Variants in UBASH3B observed in about 807,000 individuals in gnomAD.
UBASH3B encodes the protein ubiquitin-associated and SH3 domain-containing protein B.
A neutral mutation model predicts 83.4 loss-of-function variants in UBASH3B; 37 were observed. The ratio of observed to expected loss-of-function variants is 0.44; its 90% CI spans 0.34 to 0.58. The LOEUF (loss-of-function observed/expected upper bound fraction) is 0.58, where lower values mean the gene tolerates loss of function less well. Among genes scored for constraint, UBASH3B ranks in the 20% least tolerant of loss-of-function variants. The pLI is 0.01. For synonymous variants in UBASH3B, 304 were observed against 318.3 expected (o/e 0.96, Z 0.48); for missense variants, 657 against 827.2 (o/e 0.79, Z 2.52).
At chr11:122,743,100 C>A (rs1427805711) in intron 1 of UBASH3B, among the ~76,000 whole-genome samples, 1 of 152,154 alleles carries the variant, frequency 6.6e-6, no homozygotes, top group African/African-American at 2.4e-5. Flanking sequence ...TTTGCTGTGG[C>A]CGTTCTGAGG....
intron 6 of UBASH3B, among the ~76,000 whole-genome samples, chr11:122,790,342 C>A (rs73617921): frequency 4.6e-5 from 7 of 152,282 alleles, no homozygotes; most frequent in East Asian, 1.9e-4. Flanking sequence ...ATCCCTCCCC[C>A]TCTCCCTCAC....
At chr11:122,780,987 A>G (rs1005049543) in intron 4 of UBASH3B, among the ~76,000 whole-genome samples, 4 of 152,056 alleles carry the variant, frequency 2.6e-5, no homozygotes, top group African/African-American at 9.7e-5. Context: ...TGCTATTTTC[A>G]TCACCATCTC....
chr11:122,730,004 A>AAC (rs11444016), intron 1 of UBASH3B, among the ~76,000 whole-genome samples: 6 of 134,338 alleles, frequency 4.5e-5, no homozygotes, highest in Non-Finnish European at 8.1e-5. Flanking sequence ...AAAAAAAAAA[A>AAC]GGCCAGGTGC....
At chr11:122,762,655 C>G (rs1184206008) in intron 1 of UBASH3B, among the ~76,000 whole-genome samples, 1 of 152,234 alleles carries the variant, frequency 6.6e-6, no homozygotes, top group Admixed American at 6.5e-5. Flanking sequence ...TCAGTAGACT[C>G]CTGCCACCGT....
chr11:122,669,796 A>G (rs534232177), intron 1 of UBASH3B, among the ~76,000 whole-genome samples: 8 of 152,348 alleles, frequency 5.3e-5, no homozygotes, highest in Non-Finnish European at 1.0e-4. Flanking sequence ...TTTTACAGAT[A>G]AGAAAACTGA....
At chr11:122,688,968 G>A (rs915164281) in intron 1 of UBASH3B, among the ~76,000 whole-genome samples, 3 of 30,196 alleles carry the variant, frequency 9.9e-5, no homozygotes, top group Admixed American at 4.8e-4. Flanking sequence ...TACTAGAGAC[G>A]GCGGGGAGGC....
chr11:122,747,194 A>G (rs867877319), intron 1 of UBASH3B, among the ~76,000 whole-genome samples: 10 of 152,188 alleles, frequency 6.6e-5, no homozygotes, highest in Admixed American at 4.6e-4. Context: ...TTAATGGTTA[A>G]GAAAGATTAT....
rs1023326867 is a variant in UBASH3B, at chr11:122,758,318, T to C, written c.162-17901T>C. Among the ~76,000 whole-genome samples, 51 of 152,344 alleles carry C rather than the reference T, an allele frequency of 3.3e-4. No homozygotes were observed. Among genetic ancestry groups the C allele is most frequent in the Non-Finnish European group, 1.3e-4 (9 of 68,038 alleles). ...ATAAAGGGGGATGCAGTAAATAATT[T>C]CAGGAAATTGAGCGTAACCTTTCTT... is the stretch of plus-strand genomic sequence containing the variant. On this transcript the variant is annotated intron_variant, in intron 1 of 13. Coordinates refer to ENST00000284273, the MANE Select transcript of UBASH3B (RefSeq NM_032873.5). The surrounding 1 kb of genome is among the most constrained non-coding windows in gnomAD (Gnocchi z 4.2).
chr11:122,715,356 T>A (rs887111270), intron 1 of UBASH3B, among the ~76,000 whole-genome samples: 2 of 152,256 alleles, frequency 1.3e-5, no homozygotes, highest in Non-Finnish European at 2.9e-5. Context: ...GGACAGACCT[T>A]GCATTGCTGC....
chr11:122,776,353 T>G, intron 2 of UBASH3B, 81 bp downstream of exon 2: 3 of 1,323,072 alleles, frequency 2.3e-6, no homozygotes, highest in Non-Finnish European at 3.1e-6. Context: ...GGTGCAGACT[T>G]TCTCTAATGG....
At chr11:122,788,951 T>C in intron 5 of UBASH3B, 149 bp from the exon 6 acceptor site, 1 of 672,038 alleles carries the variant, frequency 1.5e-6, no homozygotes, top group Non-Finnish European at 2.6e-6. Context: ...GGAATTCACA[T>C]CTACTCAGGG....
chr11:122,808,976 G>GAA (rs5795348), intron 13 of UBASH3B, among the ~76,000 whole-genome samples: 95 of 148,496 alleles, frequency 6.4e-4, no homozygotes, highest in African/African-American at 1.0e-3. Context: ...CTCGTAAGGA[G>GAA]AAAAAAAAAA....
intron 1 of UBASH3B, chr11:122,775,868 T>G (rs1591808244): frequency 4.5e-6 from 1 of 223,736 alleles, no homozygotes; most frequent in East Asian, 1.2e-4. Flanking sequence ...GTCAGGGATC[T>G]GGGTCACTAA....
chr11:122,784,156 G>T (rs2135153081), intron 5 of UBASH3B, among the ~76,000 whole-genome samples: 1 of 152,188 alleles, frequency 6.6e-6, no homozygotes, highest in African/African-American at 2.4e-5. Flanking sequence ...TGGCCAGACT[G>T]GTCTTGATCT....
At chr11:122,705,477 AAAG>A (rs1299678084) in intron 1 of UBASH3B, among the ~76,000 whole-genome samples, 2 of 151,854 alleles carry the variant, frequency 1.3e-5, no homozygotes, top group Non-Finnish European at 2.9e-5. Flanking sequence ...AAAAAGAAAA[AAAG>A]AAAAAAATCT....
chr11:122,792,267 GC>G (rs1861069270), intron 6 of UBASH3B, among the ~76,000 whole-genome samples: 1 of 150,864 alleles, frequency 6.6e-6, no homozygotes, highest in African/African-American at 2.4e-5. Flanking sequence ...GCACCCTGAA[GC>G]TTTGATGAGT....
rs370303674 is a variant in UBASH3B, at chr11:122,686,698, A to G, written c.161+30488A>G. ...AATGAAGGCCCTGTCTCTTCTTCCT[A>G]CCCTACCACAAATGCCTTAGTGAAA... On this transcript the variant is annotated intron_variant, in intron 1 of 13. Transcript: ENST00000284273. Among the ~76,000 whole-genome samples the G allele has an allele frequency of 9.2e-5, 14 of 152,118 alleles. No homozygotes were observed. In the East Asian group the frequency reaches 1.2e-3, roughly 13 times the overall value.
chr11:122,690,209 TCC>T (rs1565530335), intron 1 of UBASH3B, among the ~76,000 whole-genome samples: 129 of 20,494 alleles, frequency 6.3e-3, no homozygotes, highest in African/African-American at 0.016. Flanking sequence ...TATATATATA[TCC>T]AATTATATAT....
intron 10 of UBASH3B, 23 bp from the exon 11 acceptor site, chr11:122,801,165 C>T: frequency 6.2e-7 from 1 of 1,610,218 alleles, no homozygotes; most frequent in Non-Finnish European, 8.5e-7. Flanking sequence ...CTTTCTTCAT[C>T]TTCACTGTAT....
Sources: gnomAD v4.1 joint callset for allele counts (sites outside exome capture counted in the v4.1 genomes callset) on GRCh38, gnomAD v4.1.1 for gene constraint, Gnocchi (gnomAD v3.1) non-coding constraint, MANE v1.5 for transcripts, NCBI Gene and HGNC (gene_info 2026-07-23, HGNC 2026-07-21) for gene names.